The following MAGI2 variants were observed in gnomAD, a reference collection of about 807,000 sequenced individuals.
MAGI2 encodes membrane associated guanylate kinase, WW and PDZ domain containing 2, also known as membrane-associated guanylate kinase, WW and PDZ domain-containing protein 2.
A neutral mutation model predicts 133.3 loss-of-function variants in MAGI2; 35 were observed. The ratio of observed to expected loss-of-function variants is 0.26; its 90% CI spans 0.20 to 0.35. The LOEUF is 0.35. Ranked by LOEUF, MAGI2 falls within the 10% of genes least tolerant of loss-of-function variation. The pLI, the probability that MAGI2 is intolerant of heterozygous loss-of-function variation, is 1.00. For synonymous variants in MAGI2, 729 were observed against 710.6 expected (o/e 1.03, Z -0.41); for missense variants, 1,636 against 1,863.4 (o/e 0.88, Z 2.25).
chr7:78,763,227 T>C (rs1292645357), intron 2 of MAGI2, among the ~76,000 whole-genome samples: 1 of 152,162 alleles, frequency 6.6e-6, no homozygotes, highest in Non-Finnish European at 1.5e-5. Context: ...GAATCAATCA[T>C]AAAAGAAAGA....
intron 1 of MAGI2, among the ~76,000 whole-genome samples, chr7:79,361,339 G>T (rs1344267038): frequency 6.6e-6 from 1 of 152,096 alleles, no homozygotes; most frequent in Admixed American, 6.6e-5. Flanking sequence ...TGGAAGGAGG[G>T]AAGGGAAGAG....
chr7:78,642,340 C>T (rs959654777), intron 2 of MAGI2, among the ~76,000 whole-genome samples: 8 of 152,072 alleles, frequency 5.3e-5, no homozygotes, highest in South Asian at 2.1e-4. Context: ...TTCAGTAAAA[C>T]GAGCACAGCA....
chr7:78,466,295 T>C (rs138546057), intron 6 of MAGI2, among the ~76,000 whole-genome samples: 123 of 152,350 alleles, frequency 8.1e-4, no homozygotes, highest in African/African-American at 2.8e-3. Context: ...TCACTGATTT[T>C]ATTTCTCTAG....
At chr7:78,456,238 G>A (rs192386893) in intron 6 of MAGI2, among the ~76,000 whole-genome samples, 92 of 152,170 alleles carry the variant, frequency 6.0e-4, no homozygotes, top group Middle Eastern at 6.8e-3. Context: ...TGTTATTGGT[G>A]GTGTGGCATT....
At chr7:79,365,867 C>CAA (rs71095399) in intron 1 of MAGI2, among the ~76,000 whole-genome samples, 642 of 48,292 alleles carry the variant, frequency 0.013, 47 homozygotes, top group Non-Finnish European at 0.018. Context: ...ACTCTTGTCT[C>CAA]AAAAAAAAAA....
intron 2 of MAGI2, among the ~76,000 whole-genome samples, chr7:78,925,683 T>G (rs374887978): frequency 6.6e-6 from 1 of 152,060 alleles, no homozygotes; most frequent in Non-Finnish European, 1.5e-5. Context: ...TTCTATTAAT[T>G]TAGACATTAA....
intron 1 of MAGI2, among the ~76,000 whole-genome samples, chr7:79,305,191 G>A (rs1245616745): frequency 6.6e-6 from 1 of 152,128 alleles, no homozygotes; most frequent in African/African-American, 2.4e-5. Flanking sequence ...ACTAGTGGCA[G>A]CCTAGTAGAG....
chr7:79,271,953 A>G (rs1482748271), intron 1 of MAGI2, among the ~76,000 whole-genome samples: 2 of 152,124 alleles, frequency 1.3e-5, no homozygotes, highest in African/African-American at 4.8e-5. Flanking sequence ...GCTTTTTTGG[A>G]CATTTTAATG....
chr7:78,276,818 G>T (rs2151000648), intron 9 of MAGI2, among the ~76,000 whole-genome samples: 2 of 152,210 alleles, frequency 1.3e-5, no homozygotes, highest in South Asian at 4.1e-4. Flanking sequence ...GAAAATTCAT[G>T]GTAGAGGAGA....
chr7:78,535,872 A>ACCCCCCCCCCCC (rs148139487), intron 3 of MAGI2, among the ~76,000 whole-genome samples: 2 of 118,094 alleles, frequency 1.7e-5, no homozygotes, highest in African/African-American at 6.0e-5. Flanking sequence ...TCTTGTGTAC[A>ACCCCCCCCCCCC]CCCCCCCCGC....
rs192573651 is a variant in MAGI2 at position 78,294,327 on chromosome 7, A to T, written c.1409-37746T>A. Among the ~76,000 whole-genome samples the T allele has an allele frequency of 8.4e-4, 128 of 152,250 alleles. 2 individuals are homozygous for T. The highest frequency in any genetic ancestry group is 2.8e-3 in the African/African-American group (118 of 41,550). ...TGTATTCCAAAATAGGGAGTATTAA[A>T]ATAGTTGTAAAAGGGAAAACAAGAA... On this transcript the variant is annotated intron_variant, in intron 9 of 21. Coordinates refer to ENST00000354212, the MANE Select transcript of MAGI2 (RefSeq NM_012301.4).
intron 7 of MAGI2, among the ~76,000 whole-genome samples, chr7:78,362,113 A>C (rs1387700055): frequency 6.6e-6 from 1 of 152,000 alleles, no homozygotes; most frequent in Non-Finnish European, 1.5e-5. Flanking sequence ...ACCAGCCTGG[A>C]CAACATGGTG....
At chr7:78,814,705 T>C (rs1232740561) in intron 2 of MAGI2, among the ~76,000 whole-genome samples, 1 of 152,198 alleles carries the variant, frequency 6.6e-6, no homozygotes, top group African/African-American at 2.4e-5. Flanking sequence ...TTACCTCTCA[T>C]GGAATTTTCC....
At chr7:78,548,651 T>A (rs1799076941) in intron 3 of MAGI2, among the ~76,000 whole-genome samples, 1 of 152,178 alleles carries the variant, frequency 6.6e-6, no homozygotes, top group Non-Finnish European at 1.5e-5. Context: ...GCTGAGATTG[T>A]ATCACTGAAC....
intron 2 of MAGI2, among the ~76,000 whole-genome samples, chr7:78,806,109 A>G (rs1788556784): frequency 6.6e-6 from 1 of 152,226 alleles, no homozygotes; most frequent in Admixed American, 6.5e-5. Context: ...GATAAAGTCA[A>G]TAGTACACTT....
chr7:78,870,951 A>G (rs148978235), intron 2 of MAGI2, among the ~76,000 whole-genome samples: 1 of 152,270 alleles, frequency 6.6e-6, no homozygotes, highest in East Asian at 1.9e-4. Flanking sequence ...TCAGGAATGG[A>G]AAACCAAATA....
intron 3 of MAGI2, among the ~76,000 whole-genome samples, chr7:78,596,028 T>C (rs537487589): frequency 1.3e-5 from 2 of 152,152 alleles, no homozygotes; most frequent in Non-Finnish European, 2.9e-5. Flanking sequence ...TAAAATATGC[T>C]TCATAAGAAC....
At chr7:79,124,137 A>G (rs1039617020) in intron 1 of MAGI2, among the ~76,000 whole-genome samples, 34 of 152,330 alleles carry the variant, frequency 2.2e-4, no homozygotes, top group Middle Eastern at 3.4e-3. Context: ...GAATGAAAAG[A>G]TTTATCTCTA....
At chr7:78,898,890 T>C (rs1675729674) in intron 2 of MAGI2, among the ~76,000 whole-genome samples, 1 of 152,202 alleles carries the variant, frequency 6.6e-6, no homozygotes, top group Non-Finnish European at 1.5e-5. Flanking sequence ...TTCAGCATAT[T>C]TTACCTATTT....
Sources: gnomAD v4.1 joint callset for allele counts (sites outside exome capture counted in the v4.1 genomes callset) on GRCh38, gnomAD v4.1.1 for gene constraint, MANE v1.5 for transcripts, NCBI Gene and HGNC (gene_info 2026-07-23, HGNC 2026-07-21) for gene names.